ARHGEF7: variants seen among roughly 807,000 people sequenced by gnomAD.
ARHGEF7 encodes Rho guanine nucleotide exchange factor 7, also known as PAK-interacting exchange factor beta.
ARHGEF7 carries 33 observed loss-of-function variants against 109.8 expected under a neutral mutation model. That is an observed-to-expected ratio of 0.30 (90% CI 0.23 to 0.40). The LOEUF is 0.40. ARHGEF7 is among the 10% of genes least tolerant of loss of function. The probability of loss-of-function intolerance (pLI) is 1.00; values close to 1 mark genes in which losing one functional copy is unlikely to be tolerated. For missense variants in ARHGEF7, 938 were observed against 1,098.5 expected, an observed-to-expected ratio of 0.85 and a Z score of 2.07; for synonymous variants, 458 against 424.6, an observed-to-expected ratio of 1.08 and a Z score of -0.97.
intron 2 of ARHGEF7, among the ~76,000 whole-genome samples, chr13:111,185,431 T>C (rs888765967): frequency 2.0e-5 from 3 of 152,206 alleles, no homozygotes; most frequent in African/African-American, 7.2e-5. Flanking sequence ...TTTTGAAGCT[T>C]TTTCTTTCTC....
chr13:111,214,609 G>A (rs552729486), intron 4 of ARHGEF7, among the ~76,000 whole-genome samples: 5 of 152,322 alleles, frequency 3.3e-5, no homozygotes, highest in Non-Finnish European at 5.9e-5. Context: ...CACCACACAA[G>A]AGCAAGGAAC....
intron 1 of ARHGEF7, among the ~76,000 whole-genome samples, chr13:111,151,704 G>A (rs1309838150): frequency 2.6e-5 from 4 of 152,170 alleles, no homozygotes; most frequent in Non-Finnish European, 5.9e-5. Context: ...TCTAACACAT[G>A]TATTTTCTCT....
chr13:111,238,468 A>G lies in ARHGEF7; in HGVS notation c.759+5175A>G, dbSNP rs369239364. ...TTTAAGAGCATTGGGAACAGAAGGC[A>G]TCACTGAGGCCACCATACCATTCTG... On this transcript the variant is annotated intron_variant, in intron 6 of 21. Coordinates refer to ENST00000646102, the MANE Select transcript of ARHGEF7 (RefSeq NM_001354046.2). Among the ~76,000 whole-genome samples, 302 of 152,370 alleles carry G rather than the reference A, an allele frequency of 2.0e-3. 4 individuals carry two copies. The South Asian group carries it at 0.04, about 20-fold the overall frequency.
chr13:111,128,236 A>T (rs1456627001), intron 1 of ARHGEF7, among the ~76,000 whole-genome samples: 1 of 152,204 alleles, frequency 6.6e-6, no homozygotes, highest in African/African-American at 2.4e-5. Flanking sequence ...AAAGAAACCA[A>T]AGCCATCTAG....
chr13:111,291,184 G>A (rs372029073), intron 18 of ARHGEF7, among the ~76,000 whole-genome samples: 33 of 152,344 alleles, frequency 2.2e-4, no homozygotes, highest in African/African-American at 7.2e-4. Flanking sequence ...CTAGCGAGGG[G>A]CATCCCCGCC....
At chr13:111,125,311 G>A (rs1199475791) in intron 1 of ARHGEF7, among the ~76,000 whole-genome samples, 1 of 151,250 alleles carries the variant, frequency 6.6e-6, no homozygotes, top group African/African-American at 2.4e-5. Flanking sequence ...ACTGGAAGCT[G>A]GTTATTTGAA....
rs1566873543 is a variant in ARHGEF7, at chr13:111,221,425, C to CTATATATAGATATCTATATCTA, written c.670+3558_670+3559insCTATATCTATATATATAGATAT. On this transcript the variant is annotated intron_variant, in intron 5 of 21. Coordinates refer to ENST00000646102, the MANE Select transcript of ARHGEF7 (RefSeq NM_001354046.2). The stretch of plus-strand genomic sequence containing the variant: ...TCTATATATATAGATGTCTATATAT[C>CTATATATAGATATCTATATCTA]TATATATAGATATATATATCTATAT... Among the ~76,000 whole-genome samples the CTATATATAGATATCTATATCTA allele has an allele frequency of 6.2e-4, 4 of 6,450 alleles. 2 individuals are homozygous for CTATATATAGATATCTATATCTA. Among genetic ancestry groups the CTATATATAGATATCTATATCTA allele is most frequent in the African/African-American group, 2.2e-3 (4 of 1,860 alleles). 4.2% of individuals were successfully genotyped at this position (6,450 alleles called of 152,430 possible). A position where few individuals can be genotyped will look rare whatever the true frequency, so the allele number is the denominator to read the frequency against.
chr13:111,222,466 T>C (rs2153507090), intron 5 of ARHGEF7, among the ~76,000 whole-genome samples: 1 of 152,310 alleles, frequency 6.6e-6, no homozygotes, highest in African/African-American at 2.4e-5. Context: ...GAGATGGAGT[T>C]TCACTCTTGT....
intron 1 of ARHGEF7, chr13:111,153,643 C>T: frequency 1.6e-6 from 2 of 1,221,830 alleles, no homozygotes; most frequent in Non-Finnish European, 2.0e-6. Context: ...GGTCTGAGGA[C>T]GTCACTTCCG....
Position 111,241,128 on chromosome 13 carries a change from A to ACCC in ARHGEF7, c.760-2741_760-2739dup, listed in dbSNP as rs1199523478. On this transcript the variant is annotated intron_variant, in intron 6 of 21. Transcript: ENST00000646102. ...TGCACTTGCCTCTCCATGCCTCGTGACCCCCGGGAAGCTGGCACTGGCTGA... is the reference window on the plus strand; with the variant it reads ...TGCACTTGCCTCTCCATGCCTCGTGACCCCCCCCGGGAAGCTGGCACTGGCTGA... 5.9e-6 allele frequency: 9 copies of ACCC among 1,521,916 alleles called. No individual in the cohort carries two copies. The Admixed American group carries it at 1.2e-4, about 20-fold the overall frequency. 94.3% of individuals were successfully genotyped at this position (1,521,916 alleles called of 1,614,324 possible). A position where few individuals can be genotyped will look rare whatever the true frequency, so the allele number is the denominator to read the frequency against.
At chr13:111,173,921 G>C (rs2077845254) in intron 2 of ARHGEF7, among the ~76,000 whole-genome samples, 1 of 152,092 alleles carries the variant, frequency 6.6e-6, no homozygotes, top group Admixed American at 6.5e-5. Flanking sequence ...TGCACTGACT[G>C]GGTCAACTTG....
chr13:111,155,178 A>G (rs2076218440), intron 2 of ARHGEF7, among the ~76,000 whole-genome samples: 1 of 152,242 alleles, frequency 6.6e-6, no homozygotes, highest in African/African-American at 2.4e-5. Context: ...TCCTGGAACC[A>G]ATTCCCTGCT....
Position 111,196,326 on chromosome 13 carries a change from C to T in ARHGEF7, c.253-8963C>T, listed in dbSNP as rs1440129051. Among the ~76,000 whole-genome samples, 4 of 152,180 alleles carry T rather than the reference C, an allele frequency of 2.6e-5. No individual in the cohort carries two copies. In the South Asian group the frequency reaches 6.2e-4, roughly 24 times the overall value. On this transcript the variant is annotated intron_variant, in intron 2 of 21. Coordinates refer to ENST00000646102, the MANE Select transcript of ARHGEF7 (RefSeq NM_001354046.2). ...CCGGTAGGGAATTTGTCCCTTTCTTCGGCTGTCATTCTGTCATTTACTTGA... is the reference window on the plus strand; with the variant it reads ...CCGGTAGGGAATTTGTCCCTTTCTTTGGCTGTCATTCTGTCATTTACTTGA...
At chr13:111,227,024 A>G (rs2085302127) in intron 5 of ARHGEF7, among the ~76,000 whole-genome samples, 1 of 152,204 alleles carries the variant, frequency 6.6e-6, no homozygotes, top group African/African-American at 2.4e-5. Flanking sequence ...CAAGAGAACT[A>G]AAATTGGAAG....
At chr13:111,290,201 A>AAT (rs1567102496) in intron 18 of ARHGEF7, among the ~76,000 whole-genome samples, 5 of 152,244 alleles carry the variant, frequency 3.3e-5, no homozygotes, top group Admixed American at 2.6e-4. Context: ...GTCTTAGATG[A>AAT]ACAGACCAGG....
At chr13:111,211,311 C>A (rs572950084) in intron 4 of ARHGEF7, among the ~76,000 whole-genome samples, 1 of 152,296 alleles carries the variant, frequency 6.6e-6, no homozygotes, top group African/African-American at 2.4e-5. Context: ...CTGTAAAACA[C>A]ATGAGGAAAA....
rs1235447708 is a variant in ARHGEF7 at position 111,273,270 on chromosome 13, T to A, written c.1074-544T>A. On this transcript the variant is annotated intron_variant, in intron 9 of 21. Coordinates refer to ENST00000646102, the MANE Select transcript of ARHGEF7 (RefSeq NM_001354046.2). The surrounding 1 kb of genome is among the most constrained non-coding windows in gnomAD (Gnocchi z 4.5). ...TTCTGAAGCCTAAATCAGCGTTTGC[T>A]CTCTTCTCTTGCTGCTTCTCGTGCT... Among the ~76,000 whole-genome samples the A allele has an allele frequency of 6.6e-6, 1 of 152,210 alleles. No individual in the cohort carries two copies. Among genetic ancestry groups the A allele is most frequent in the Non-Finnish European group, 1.5e-5 (1 of 68,032 alleles).
intron 2 of ARHGEF7, among the ~76,000 whole-genome samples, chr13:111,196,700 A>G (rs2080548429): frequency 6.6e-6 from 1 of 151,974 alleles, no homozygotes; most frequent in Admixed American, 6.6e-5. Flanking sequence ...GAGGCTTATC[A>G]TTAATAGGAA....
intron 1 of ARHGEF7, among the ~76,000 whole-genome samples, chr13:111,149,518 G>A (rs904074871): frequency 6.6e-6 from 1 of 152,216 alleles, no homozygotes. Context: ...ACACTGCTCT[G>A]AGGAGAAATA....
Sources: gnomAD v4.1 joint callset for allele counts (sites outside exome capture counted in the v4.1 genomes callset) on GRCh38, gnomAD v4.1.1 for gene constraint, Gnocchi (gnomAD v3.1) non-coding constraint, MANE v1.5 for transcripts, NCBI Gene and HGNC (gene_info 2026-07-23, HGNC 2026-07-21) for gene names.